Variants in CABIN1 observed in about 807,000 individuals in gnomAD.
The protein encoded by CABIN1 is calcineurin-binding protein cabin-1.
CABIN1 carries 133 observed loss-of-function variants against 227.7 expected under a neutral mutation model. The observed-to-expected ratio is 0.58, with a 90% CI of 0.51 to 0.67. The LOEUF is 0.67. Among genes scored for constraint, CABIN1 ranks in the 30% least tolerant of loss-of-function variants. The pLI, the probability that CABIN1 is intolerant of heterozygous loss-of-function variation, is 0.00. For missense variants in CABIN1, 2,408 were observed against 2,852.5 expected (o/e 0.84, Z 3.55); for synonymous variants, 1,086 against 1,155.1 (o/e 0.94, Z 1.21).
intron 19 of CABIN1, among the ~76,000 whole-genome samples, chr22:24,078,273 C>G (rs765726182): frequency 2.0e-5 from 3 of 152,120 alleles, no homozygotes; most frequent in Non-Finnish European, 4.4e-5. Context: ...GGGGCCTGAG[C>G]AATACCTGAC....
At chr22:24,053,023 A>G (rs1231902108) in intron 8 of CABIN1, among the ~76,000 whole-genome samples, 1 of 151,198 alleles carries the variant, frequency 6.6e-6, no homozygotes, top group African/African-American at 2.4e-5. Flanking sequence ...GGGAGCCTCC[A>G]TCATTTAGAT....
At chr22:24,074,709 A>G (rs966438575) in intron 18 of CABIN1, among the ~76,000 whole-genome samples, 10 of 152,228 alleles carry the variant, frequency 6.6e-5, no homozygotes, top group Non-Finnish European at 1.5e-5. Flanking sequence ...AGCAGATACT[A>G]AGACAGGGTT....
At chr22:24,082,077 T>A (rs1426376677) in intron 19 of CABIN1, among the ~76,000 whole-genome samples, 2 of 149,596 alleles carry the variant, frequency 1.3e-5, no homozygotes, top group Non-Finnish European at 3.0e-5. Flanking sequence ...CTTGATTTTA[T>A]TCTCTCTCTT....
intron 17 of CABIN1, 24 bp from the exon 18 acceptor site, chr22:24,072,330 C>G (rs373345136): frequency 2.5e-6 from 4 of 1,613,846 alleles, no homozygotes; most frequent in Non-Finnish European, 3.4e-6. Flanking sequence ...GACACTTCTG[C>G]TGTCTCCCAC....
chr22:24,083,903 A>G (rs1379786116), intron 20 of CABIN1, among the ~76,000 whole-genome samples: 17 of 152,188 alleles, frequency 1.1e-4, no homozygotes, highest in Admixed American at 6.5e-5. Context: ...TTAGAGCGCT[A>G]TTGAGTGTAT....
At chr22:24,074,125 A>C (rs1051662779) in intron 18 of CABIN1, among the ~76,000 whole-genome samples, 8 of 152,132 alleles carry the variant, frequency 5.3e-5, no homozygotes, top group South Asian at 2.1e-4. Context: ...GTGAAAAAAA[A>C]CCTAAAGTTT....
At chr22:24,088,970 T>A (rs2041359654) in intron 23 of CABIN1, among the ~76,000 whole-genome samples, 1 of 152,226 alleles carries the variant, frequency 6.6e-6, no homozygotes, top group African/African-American at 2.4e-5. Context: ...GGATTCTGTT[T>A]GTGTTGCAGT....
At chr22:24,123,227 G>A (rs1036501650) in intron 28 of CABIN1, among the ~76,000 whole-genome samples, 3 of 152,106 alleles carry the variant, frequency 2.0e-5, no homozygotes, top group African/African-American at 4.8e-5. Context: ...GTAGCCATTA[G>A]CCTCAGTTTC....
At chr22:24,037,499 GTCTC>G (rs768075469) in intron 3 of CABIN1, among the ~76,000 whole-genome samples, 3 of 151,846 alleles carry the variant, frequency 2.0e-5, no homozygotes, top group African/African-American at 7.3e-5. Context: ...AGAGACAGGG[GTCTC>G]TCTATGTGGC....
At position 24,167,120 on chromosome 22, in the gene CABIN1, C is replaced by T; in HGVS notation, c.5489C>T (p.Thr1830Ile). 6.4e-7 allele frequency: 1 copy of T among 1,570,926 alleles called. No homozygotes were observed. The change falls in exon 32 of 37, where the codon ACC (threonine) becomes ATC (isoleucine). Residue 1830 changes from threonine (T) to isoleucine (I), a missense_variant. Physicochemically the swap from Thr to Ile is moderately conservative, Grantham distance 89. Coordinates refer to ENST00000263119, the MANE Select transcript of CABIN1 (RefSeq NM_012295.4). The stretch of plus-strand genomic sequence containing the variant: ...CCCGCCCCCGCCACCACCACAGGGA[C>T]CAGGGCAGGGGGCCACCCGGAGGAG... ...PAPAPATTTG[T>I]RAGGHPEEPL... is the part of the protein sequence containing the mutation.
intron 6 of CABIN1, among the ~76,000 whole-genome samples, chr22:24,046,747 C>T (rs978672602): frequency 6.6e-6 from 1 of 152,082 alleles, no homozygotes; most frequent in Non-Finnish European, 1.5e-5. Context: ...CAGGGTGAGT[C>T]AGCAAGCTGC....
intron 32 of CABIN1, among the ~76,000 whole-genome samples, chr22:24,168,245 C>T (rs1043042411): frequency 4.6e-5 from 7 of 152,348 alleles, no homozygotes; most frequent in East Asian, 3.9e-4. Context: ...CTGCTACCCA[C>T]GAAGAGCTGG....
chr22:24,126,711 C>T (rs539658041), intron 28 of CABIN1, among the ~76,000 whole-genome samples: 2 of 152,248 alleles, frequency 1.3e-5, no homozygotes, highest in Non-Finnish European at 2.9e-5. Context: ...TTAAAGCTGT[C>T]GCAAGGGCTG....
chr22:24,072,520 C>T lies in CABIN1; in HGVS notation c.2632+10C>T. ...AACCCAGCGGAGGAAGGTGCACAGG[C>T]AGTGGGTGCAGTGGGGATGAGCTCT... On this transcript the variant is annotated intron_variant, in intron 18 of 36. Coordinates refer to ENST00000263119, the MANE Select transcript of CABIN1 (RefSeq NM_012295.4). 1 of 1,614,030 alleles carries T rather than the reference C, an allele frequency of 6.2e-7. No individual in the cohort carries two copies. Among genetic ancestry groups the T allele is most frequent in the South Asian group, 1.1e-5 (1 of 91,084 alleles).
At chr22:24,027,327 G>A (rs1181584916) in intron 1 of CABIN1, among the ~76,000 whole-genome samples, 1 of 152,090 alleles carries the variant, frequency 6.6e-6, no homozygotes, top group Non-Finnish European at 1.5e-5. Context: ...AAAAGGGACA[G>A]TTTTATTTTT....
chr22:24,128,224 C>T (rs1461762858), intron 28 of CABIN1, among the ~76,000 whole-genome samples: 1 of 143,804 alleles, frequency 7.0e-6, no homozygotes, highest in African/African-American at 2.6e-5. Flanking sequence ...AAATGTGGTT[C>T]TGCTTTTTTT....
chr22:24,171,459 C>T (rs1174766839), intron 33 of CABIN1, among the ~76,000 whole-genome samples: 2 of 152,208 alleles, frequency 1.3e-5, no homozygotes, highest in African/African-American at 4.8e-5. Context: ...CCCACCAGTA[C>T]GGCCTGGACA....
Position 24,024,193 on chromosome 22 carries a change from A to G in CABIN1, c.-74-11251A>G, listed in dbSNP as rs548704737. On this transcript the variant is annotated intron_variant, in intron 1 of 36. Transcript: ENST00000263119. ...CACTTTTTGATAGTGTCCTTTGCATAAAAGTTTTTTTTTTATTATACTTTA... is the reference window on the plus strand; with the variant it reads ...CACTTTTTGATAGTGTCCTTTGCATGAAAGTTTTTTTTTTATTATACTTTA... Among the ~76,000 whole-genome samples the G allele has an allele frequency of 2.6e-5, 4 of 152,180 alleles. No homozygotes were observed. The South Asian group carries it at 8.3e-4, about 32-fold the overall frequency.
intron 19 of CABIN1, among the ~76,000 whole-genome samples, chr22:24,078,893 A>G (rs1415154911): frequency 1.3e-5 from 2 of 152,192 alleles, no homozygotes; most frequent in African/African-American, 4.8e-5. Context: ...ATACCTAATT[A>G]TGTATCTGTA....
Sources: gnomAD v4.1 joint callset for allele counts (sites outside exome capture counted in the v4.1 genomes callset) on GRCh38, gnomAD v4.1.1 for gene constraint, MANE v1.5 for transcripts, NCBI Gene and HGNC (gene_info 2026-07-23, HGNC 2026-07-21) for gene names.